EPHB1: variants seen among roughly 807,000 people sequenced by gnomAD.
EPHB1 encodes the protein EPH receptor B1, also known as ephrin type-B receptor 1.
Under a neutral mutation model 94.4 loss-of-function variants are expected in EPHB1, and 30 were observed. The observed-to-expected ratio is 0.32, with a 90% confidence interval of 0.24 to 0.43. The LOEUF is 0.43. Among genes scored for constraint, EPHB1 ranks in the 20% least tolerant of loss-of-function variants. EPHB1 has a pLI of 1.00. For synonymous variants in EPHB1, 522 were observed against 489.1 expected (o/e 1.07, Z -0.89); for missense variants, 1,055 against 1,308.3 (o/e 0.81, Z 2.99).
chr3:135,048,252 CTTTTTTCTTTTTT>C (rs1937064430), intron 3 of EPHB1, among the ~76,000 whole-genome samples: 1 of 83,432 alleles, frequency 1.2e-5, no homozygotes, highest in Non-Finnish European at 2.3e-5. Context: ...TTCTTTCTTT[CTTTTTTCTTTTTT>C]TTTTTTTTTT....
chr3:135,193,245 T>C (rs554440308), intron 11 of EPHB1, among the ~76,000 whole-genome samples: 3 of 152,284 alleles, frequency 2.0e-5, no homozygotes, highest in East Asian at 3.9e-4. Context: ...GTAAAACAGG[T>C]TGCCATTTTC....
rs1371361712 is a variant in EPHB1 at position 135,133,062 on chromosome 3, G to A, written c.1297+13G>A. The A allele has an allele frequency of 6.4e-6, 10 of 1,563,058 alleles. No individual in the cohort carries two copies. The highest frequency in any genetic ancestry group is 1.4e-5 in the African/African-American group (1 of 73,818). Reference sequence around the variant, plus strand: ...ACAAACCAAGCCGGTAAGTCTGGAGGCTTCTGTGCTCCTGTTTGGATGTGT... The same window carrying A: ...ACAAACCAAGCCGGTAAGTCTGGAGACTTCTGTGCTCCTGTTTGGATGTGT... On this transcript the variant is annotated intron_variant, in intron 5 of 15. Transcript: ENST00000398015.
chr3:135,144,980 T>C (rs1940962521), intron 5 of EPHB1, among the ~76,000 whole-genome samples: 1 of 152,198 alleles, frequency 6.6e-6, no homozygotes, highest in Non-Finnish European at 1.5e-5. Flanking sequence ...ATGAGAAGAA[T>C]AATTAATTCT....
chr3:135,018,398 C>T (rs1323306184), intron 3 of EPHB1, among the ~76,000 whole-genome samples: 1 of 152,092 alleles, frequency 6.6e-6, no homozygotes, highest in Non-Finnish European at 1.5e-5. Context: ...TTTGCTGATG[C>T]TGTCACTTCA....
intron 3 of EPHB1, among the ~76,000 whole-genome samples, chr3:135,064,487 A>G (rs765409601): frequency 6.6e-6 from 1 of 152,048 alleles, no homozygotes; most frequent in African/African-American, 2.4e-5. Flanking sequence ...TACATGCATA[A>G]ATGTGTTCAT....
chr3:134,899,721 C>T (rs1161075336), intron 1 of EPHB1, among the ~76,000 whole-genome samples: 1 of 152,188 alleles, frequency 6.6e-6, no homozygotes, highest in East Asian at 1.9e-4. Flanking sequence ...TGTCACCAGG[C>T]TTGACTGCAA....
At chr3:135,165,352 C>T (rs1307721506) in intron 7 of EPHB1, among the ~76,000 whole-genome samples, 1 of 152,140 alleles carries the variant, frequency 6.6e-6, no homozygotes, top group Non-Finnish European at 1.5e-5. Flanking sequence ...TTCTGTCTGC[C>T]TCTATGACCC....
At chr3:134,831,076 T>C (rs148561942) in intron 1 of EPHB1, among the ~76,000 whole-genome samples, 13 of 152,302 alleles carry the variant, frequency 8.5e-5, no homozygotes, top group Non-Finnish European at 4.4e-5. Flanking sequence ...CCAGAGTGCT[T>C]CCCCTAAACC....
intron 1 of EPHB1, among the ~76,000 whole-genome samples, chr3:134,904,804 T>C (rs983416802): frequency 1.3e-5 from 2 of 149,334 alleles, no homozygotes; most frequent in African/African-American, 5.2e-5. Flanking sequence ...AGTGTCTAAA[T>C]ATAGTGTTTA....
intron 2 of EPHB1, among the ~76,000 whole-genome samples, chr3:134,942,420 A>G (rs1387354936): frequency 6.6e-6 from 1 of 152,252 alleles, no homozygotes; most frequent in Non-Finnish European, 1.5e-5. Flanking sequence ...GATAGGAGAC[A>G]TAGAATTTGG....
intron 3 of EPHB1, among the ~76,000 whole-genome samples, chr3:135,029,121 C>T: frequency 1.3e-5 from 1 of 77,406 alleles, no homozygotes; most frequent in Non-Finnish European, 3.1e-5. Context: ...ATGTGTGTCT[C>T]TGCACGTGAG....
intron 2 of EPHB1, among the ~76,000 whole-genome samples, chr3:134,940,111 T>C (rs2039083685): frequency 6.7e-6 from 1 of 149,466 alleles, no homozygotes; most frequent in Non-Finnish European, 1.5e-5. Context: ...TCTGTGTCTG[T>C]AAGGAGAGGG....
chr3:135,041,433 C>T (rs997485044), intron 3 of EPHB1, among the ~76,000 whole-genome samples: 1 of 152,176 alleles, frequency 6.6e-6, no homozygotes, highest in Non-Finnish European at 1.5e-5. Flanking sequence ...CATGGAGTTC[C>T]TCAAATGCAG....
At chr3:134,911,789 G>A (rs2038461479) in intron 1 of EPHB1, among the ~76,000 whole-genome samples, 1 of 152,176 alleles carries the variant, frequency 6.6e-6, no homozygotes, top group Admixed American at 6.5e-5. Flanking sequence ...GATGTGTCCA[G>A]GAGAACTTGA....
intron 2 of EPHB1, among the ~76,000 whole-genome samples, chr3:134,938,989 C>A (rs764867486): frequency 1.1e-4 from 17 of 152,112 alleles, no homozygotes; most frequent in Non-Finnish European, 2.1e-4. Context: ...ACCCCCACCC[C>A]TTTTTTGATC....
chr3:135,045,939 G>T (rs889423179), intron 3 of EPHB1, among the ~76,000 whole-genome samples: 1 of 152,174 alleles, frequency 6.6e-6, no homozygotes, highest in Admixed American at 6.6e-5. Context: ...ATCTGAAAGA[G>T]CTATTACAGT....
intron 1 of EPHB1, among the ~76,000 whole-genome samples, chr3:134,877,044 C>G (rs992807723): frequency 6.6e-6 from 1 of 152,204 alleles, no homozygotes; most frequent in African/African-American, 2.4e-5. Context: ...TGTAAGCCCA[C>G]TGAGTGCATG....
At chr3:135,190,703 C>A (rs1429803813) in intron 10 of EPHB1, among the ~76,000 whole-genome samples, 5 of 152,146 alleles carry the variant, frequency 3.3e-5, no homozygotes, top group African/African-American at 1.2e-4. Flanking sequence ...TTTTAACATA[C>A]AAATTCAAAT....
At chr3:134,967,519 A>T (rs1933806507) in intron 3 of EPHB1, among the ~76,000 whole-genome samples, 1 of 152,012 alleles carries the variant, frequency 6.6e-6, no homozygotes, top group African/African-American at 2.4e-5. Context: ...ACTAGAGTGG[A>T]TCTTATAATA....
Sources: allele counts gnomAD v4.1 joint callset (sites outside exome capture counted in the v4.1 genomes callset), GRCh38; gene constraint gnomAD v4.1.1; transcripts MANE v1.5; gene names NCBI Gene and HGNC (gene_info 2026-07-23, HGNC 2026-07-21).